Variants in RAI2 observed in about 807,000 individuals in gnomAD.
RAI2 encodes retinoic acid-induced protein 2.
In RAI2, 5 loss-of-function variants were observed where a neutral mutation model predicts 15.3. That is an observed-to-expected ratio of 0.33 (90% CI 0.17 to 0.69). The LOEUF is 0.69. Among genes scored for constraint, RAI2 ranks in the 30% least tolerant of loss-of-function variants. The probability of loss-of-function intolerance (pLI) is 0.69; values close to 1 mark genes in which losing one functional copy is unlikely to be tolerated. For missense variants in RAI2, 424 were observed against 424.7 expected (o/e 1.00, Z 0.01); for synonymous variants, 191 against 184.0 (o/e 1.04, Z -0.31).
rs758850533 is a variant in RAI2 at position 17,813,206 on chromosome X, A to G, written c.-24-11172T>C. Among the ~76,000 whole-genome samples, 8 of 111,002 alleles carry G rather than the reference A, an allele frequency of 7.2e-5. No individual in the cohort carries two copies. The East Asian group carries it at 2.3e-3, about 32-fold the overall frequency. On this transcript the variant is annotated intron_variant, in intron 1 of 1. Coordinates refer to ENST00000451717, the MANE Select transcript of RAI2 (RefSeq NM_021785.6). ...TATCAGTCCCAGGAAAAAAATCTAA[A>G]TGTACCTTCTTTCTGTGTCTAATAT...
chrX:17,816,146 C>A (rs2147229754), intron 1 of RAI2, among the ~76,000 whole-genome samples: 1 of 109,071 alleles, frequency 9.2e-6, no homozygotes, highest in East Asian at 2.9e-4. Context: ...TTACCATGCT[C>A]CCCACTAGGT....
At chrX:17,855,801 T>C (rs1228280518) in intron 1 of RAI2, among the ~76,000 whole-genome samples, 1 of 112,627 alleles carries the variant, frequency 8.9e-6, no homozygotes, top group African/African-American at 3.2e-5. Context: ...TACTCTATCA[T>C]ATTTAACTAA....
intron 1 of RAI2, among the ~76,000 whole-genome samples, chrX:17,852,011 G>A (rs779466496): frequency 5.4e-5 from 6 of 111,641 alleles, no homozygotes; most frequent in African/African-American, 1.3e-4. Context: ...ACACAGCGGT[G>A]GCCCCAGTGG....
chrX:17,859,928 G>A (rs1289162766), intron 1 of RAI2, among the ~76,000 whole-genome samples: 2 of 112,610 alleles, frequency 1.8e-5, no homozygotes, highest in Non-Finnish European at 3.8e-5. Flanking sequence ...CATTGATTAA[G>A]TTCTCAAACC....
chrX:17,850,165 A>G (rs1019120289), intron 1 of RAI2, among the ~76,000 whole-genome samples: 1 of 112,160 alleles, frequency 8.9e-6, no homozygotes, highest in African/African-American at 3.2e-5. Context: ...CTTATTAGGG[A>G]ATAAGGGGCC....
intron 1 of RAI2, among the ~76,000 whole-genome samples, chrX:17,807,058 T>G (rs898929216): frequency 3.6e-5 from 4 of 111,565 alleles, no homozygotes; most frequent in African/African-American, 1.3e-4. Flanking sequence ...AACTGTTATC[T>G]GAACCCCTCA....
At chrX:17,852,864 G>A (rs1396624959) in intron 1 of RAI2, among the ~76,000 whole-genome samples, 1 of 111,689 alleles carries the variant, frequency 9.0e-6, no homozygotes, top group Non-Finnish European at 1.9e-5. Context: ...TCCATCTACC[G>A]AGAAAGTACT....
intron 1 of RAI2, among the ~76,000 whole-genome samples, chrX:17,814,909 C>T (rs1178883424): frequency 9.2e-6 from 1 of 108,839 alleles, no homozygotes; most frequent in Non-Finnish European, 1.9e-5. Context: ...ATAAACACTA[C>T]TTCACTTCAT....
intron 1 of RAI2, among the ~76,000 whole-genome samples, chrX:17,818,325 T>C (rs995490041): frequency 2.7e-5 from 3 of 111,828 alleles, no homozygotes; most frequent in Non-Finnish European, 5.6e-5. Context: ...CAGTGGGACA[T>C]TTTCTGTCTG....
chrX:17,835,427 C>T (rs1003047411), intron 1 of RAI2, among the ~76,000 whole-genome samples: 1 of 112,320 alleles, frequency 8.9e-6, no homozygotes, highest in Non-Finnish European at 1.9e-5. Context: ...CCATACTCCT[C>T]CCTCTACCAT....
chrX:17,847,279 T>G (rs776526174), intron 1 of RAI2, among the ~76,000 whole-genome samples: 5 of 112,102 alleles, frequency 4.5e-5, no homozygotes, highest in Admixed American at 3.8e-4. Flanking sequence ...TGCCTCTCTT[T>G]CTGGGTTACT....
At position 17,854,425 on chromosome X, in the gene RAI2, A is replaced by G. The variant is rs1184615802; in HGVS notation, c.-25+6673T>C. Among the ~76,000 whole-genome samples, 3 of 112,224 alleles carry G rather than the reference A, an allele frequency of 2.7e-5. No homozygotes were observed. The East Asian group carries it at 8.4e-4, about 31-fold the overall frequency. Reference sequence around the variant, plus strand: ...AATTCCTTTCATCCTAGAACATTCTATGTGGTTCTGCAGTGCCCCCACTTT... The same window carrying G: ...AATTCCTTTCATCCTAGAACATTCTGTGTGGTTCTGCAGTGCCCCCACTTT... On this transcript the variant is annotated intron_variant, in intron 1 of 1. Coordinates refer to ENST00000451717, the MANE Select transcript of RAI2 (RefSeq NM_021785.6).
At chrX:17,805,694 A>C (rs921500458) in intron 1 of RAI2, among the ~76,000 whole-genome samples, 6 of 111,146 alleles carry the variant, frequency 5.4e-5, no homozygotes, top group African/African-American at 2.0e-4. Context: ...AAGGGGAAAA[A>C]CCCCTGGCCC....
intron 1 of RAI2, among the ~76,000 whole-genome samples, chrX:17,807,539 C>G (rs920322062): frequency 3.6e-5 from 4 of 111,767 alleles, no homozygotes; most frequent in African/African-American, 9.8e-5. Flanking sequence ...CTCTTGCCGA[C>G]TCTTTTTATT....
chrX:17,815,633 A>G (rs758196230), intron 1 of RAI2, among the ~76,000 whole-genome samples: 2 of 111,770 alleles, frequency 1.8e-5, no homozygotes, highest in African/African-American at 6.5e-5. Context: ...TGTCTGGGGC[A>G]GGCTAGTAGG....
intron 1 of RAI2, among the ~76,000 whole-genome samples, chrX:17,856,634 G>C (rs992030576): frequency 1.8e-5 from 2 of 112,549 alleles, no homozygotes; most frequent in Non-Finnish European, 3.7e-5. Context: ...CCCATGTTTT[G>C]CGGTGCTGCC....
At chrX:17,847,218 T>C (rs1179906973) in intron 1 of RAI2, among the ~76,000 whole-genome samples, 1 of 112,265 alleles carries the variant, frequency 8.9e-6, no homozygotes, top group African/African-American at 3.2e-5. Context: ...TCTTTCTGAA[T>C]CCAGCCACTA....
chrX:17,829,500 G>T (rs758572356), intron 1 of RAI2, among the ~76,000 whole-genome samples: 1 of 110,988 alleles, frequency 9.0e-6, no homozygotes, highest in South Asian at 3.9e-4. Flanking sequence ...TGATTCTAAG[G>T]TCAGCTGGAT....
At chrX:17,807,750 G>T (rs754275845) in intron 1 of RAI2, among the ~76,000 whole-genome samples, 21 of 111,923 alleles carry the variant, frequency 1.9e-4, no homozygotes, top group African/African-American at 6.5e-4. Context: ...CCAACAAATA[G>T]GTGGATTTTA....
Sources: allele counts gnomAD v4.1 joint callset (sites outside exome capture counted in the v4.1 genomes callset), GRCh38; gene constraint gnomAD v4.1.1; transcripts MANE v1.5; gene names NCBI Gene and HGNC (gene_info 2026-07-23, HGNC 2026-07-21).